The following PADI6 variants were observed in gnomAD, a reference collection of about 807,000 sequenced individuals.
PADI6 encodes inactive protein-arginine deiminase type-6.
A neutral mutation model predicts 78.2 loss-of-function variants in PADI6; 66 were observed. The observed-to-expected ratio is 0.84, with a 90% CI of 0.69 to 1.04. The LOEUF (loss-of-function observed/expected upper bound fraction) is 1.04, where lower values mean the gene tolerates loss of function less well. Ranked by LOEUF, PADI6 falls within the 50% of genes least tolerant of loss-of-function variation. The pLI, the probability that PADI6 is intolerant of heterozygous loss-of-function variation, is 0.00. For synonymous variants in PADI6, 397 were observed against 346.9 expected, an observed-to-expected ratio of 1.14 and a Z score of -1.60; for missense variants, 854 against 866.1, an observed-to-expected ratio of 0.99 and a Z score of 0.18.
intron 6 of PADI6, among the ~76,000 whole-genome samples, chr1:17,386,412 C>T (rs1212477918): frequency 6.6e-6 from 1 of 152,248 alleles, no homozygotes; most frequent in African/African-American, 2.4e-5. Context: ...GCCCTCACTG[C>T]CTGGTGGTGA....
intron 15 of PADI6, among the ~76,000 whole-genome samples, chr1:17,399,964 G>A (rs892682346): frequency 5.3e-5 from 8 of 151,850 alleles, no homozygotes; most frequent in Admixed American, 3.9e-4. Flanking sequence ...GAACCCAGGA[G>A]GCAGAGGTTG....
chr1:17,391,032 C>G (rs1381555089), intron 8 of PADI6, among the ~76,000 whole-genome samples: 1 of 152,106 alleles, frequency 6.6e-6, no homozygotes, highest in Non-Finnish European at 1.5e-5. Flanking sequence ...GAAATAGGTT[C>G]TTTGGAGCAG....
intron 13 of PADI6, among the ~76,000 whole-genome samples, chr1:17,396,467 T>C (rs1465802352): frequency 6.6e-6 from 1 of 152,192 alleles, no homozygotes; most frequent in Non-Finnish European, 1.5e-5. Flanking sequence ...CAAAGTGTTA[T>C]CTGAGGGCCA....
In PADI6 at chr1:17,375,464, C is replaced by T. The variant is rs1489075438; in HGVS notation, c.332C>T (p.Pro111Leu). The stretch of plus-strand genomic sequence containing the variant: ...TACTATGGGCCCAACGAGGATGCCC[C>T]CGTGGGCACAGCTGTGCTGTACCTC... ...VTYYGPNEDA[P>L]VGTAVLYLTG... The change falls in exon 3 of 16, where the codon CCC becomes CTC. Residue 111 changes from proline (P) to leucine (L), a missense_variant. Pro to Leu is a moderately conservative substitution (Grantham distance 98, BLOSUM62 -3). Transcript: ENST00000619609. 3 of 1,610,958 alleles carry T rather than the reference C, an allele frequency of 1.9e-6. No individual in the cohort carries two copies. Among genetic ancestry groups the T allele is most frequent in the South Asian group, 2.2e-5 (2 of 90,278 alleles).
At chr1:17,386,655 G>A (rs1460424296) in intron 6 of PADI6, among the ~76,000 whole-genome samples, 1 of 152,200 alleles carries the variant, frequency 6.6e-6, no homozygotes, top group Non-Finnish European at 1.5e-5. Context: ...TAGATGAGAA[G>A]CAGGAACTAG....
Position 17,387,463 on chromosome 1 carries a change from G to A in PADI6, c.680-918G>A, listed in dbSNP as rs886535236. 4.3e-3 allele frequency among the ~76,000 whole-genome samples: 656 copies of A among 151,550 alleles called. 7 individuals carry two copies. Among genetic ancestry groups the A allele is most frequent in the African/African-American group, 0.015 (617 of 41,290 alleles). On this transcript the variant is annotated intron_variant, in intron 6 of 15. Coordinates refer to ENST00000619609, the MANE Select transcript of PADI6 (RefSeq NM_207421.4). ...CCACCTCAAAAAAGAAAAGGAGGGG[G>A]GGGGGCCAGGCGTGGTAGCTCACAC...
At chr1:17,395,181 GAA>G (rs2075233497) in intron 12 of PADI6, 74 bp downstream of exon 12, 1 of 1,483,782 alleles carries the variant, frequency 6.7e-7, no homozygotes, top group African/African-American at 1.4e-5. Context: ...ATTCTGGAGA[GAA>G]AACTGGCTTT....
At chr1:17,380,252 C>T (rs757958347) in intron 4 of PADI6, among the ~76,000 whole-genome samples, 1 of 152,160 alleles carries the variant, frequency 6.6e-6, no homozygotes, top group African/African-American at 2.4e-5. Context: ...CTCTGTTACC[C>T]AGGCTGGAGT....
intron 3 of PADI6, among the ~76,000 whole-genome samples, chr1:17,378,601 T>C (rs1263808687): frequency 6.6e-6 from 1 of 152,072 alleles, no homozygotes; most frequent in Non-Finnish European, 1.5e-5. Flanking sequence ...TAAGTGTGTT[T>C]TTTTGTTTGT....
rs1323506775 is a variant in PADI6, at chr1:17,388,882, TGA to T, written c.962+7_962+8del. On this transcript the variant is annotated splice_donor_region_variant and intron_variant, in intron 8 of 15. Transcript: ENST00000619609. ...GCCTCTGGAGGTTTACCTGTGCAGG[TGA>T]GAGACCATCAGGCTGACTGTGCCAG... is the stretch of plus-strand genomic sequence containing the variant. 1.9e-6 allele frequency: 3 copies of T among 1,610,938 alleles called. No individual in the cohort carries two copies. The highest frequency in any genetic ancestry group is 3.3e-5 in the Admixed American group (2 of 59,846).
In PADI6 at chr1:17,401,662, T is replaced by G. The variant is rs1403491274; in HGVS notation, c.*224T>G. ...CAAAAGTGTTCAGCCAAGTGACGTT[T>G]ACTAAATAGCCAATAAAGGGCTGGT... On this transcript the variant is annotated 3_prime_UTR_variant, in exon 16 of 16. Transcript: ENST00000619609. The G allele has an allele frequency of 9.0e-6, 5 of 554,190 alleles. No individual in the cohort carries two copies. Among genetic ancestry groups the G allele is most frequent in the Non-Finnish European group, 1.6e-5 (5 of 310,750 alleles). The allele number at this position is 554,190 out of a possible 1,614,324, so 34.3% of individuals were successfully genotyped here.
At chr1:17,383,995 C>T (rs1211093757) in intron 6 of PADI6, among the ~76,000 whole-genome samples, 3 of 151,576 alleles carry the variant, frequency 2.0e-5, no homozygotes, top group East Asian at 3.9e-4. Context: ...CTAAAAAATA[C>T]AAAAGCTAGC....
At position 17,394,406 on chromosome 1, in the gene PADI6, A is replaced by T. The variant is rs1369672986; in HGVS notation, c.1289A>T (p.Lys430Ile). The change falls in exon 11 of 16, where the codon AAA becomes ATA. Residue 430 changes from lysine (K) to isoleucine (I), a missense_variant. Lys to Ile is a moderately radical substitution (Grantham distance 102). Coordinates refer to ENST00000619609, the MANE Select transcript of PADI6 (RefSeq NM_207421.4). Reference sequence around the variant, plus strand: ...TCCCCACCTGTCAAGGTCCAAGGGAAAGAGTACCCGCTGGGCAGAGTCCTC... The same window carrying T: ...TCCCCACCTGTCAAGGTCCAAGGGATAGAGTACCCGCTGGGCAGAGTCCTC... The part of the protein sequence containing the change: ...MVSPPVKVQG[K>I]EYPLGRVLIG... 6.2e-7 allele frequency: 1 copy of T among 1,613,822 alleles called. No individual in the cohort carries two copies. Among genetic ancestry groups the T allele is most frequent in the Non-Finnish European group, 8.5e-7 (1 of 1,179,856 alleles).
intron 3 of PADI6, 37 bp from the exon 4 acceptor site, chr1:17,379,883 G>A (rs770037933): frequency 6.3e-7 from 1 of 1,598,728 alleles, no homozygotes; most frequent in South Asian, 1.1e-5. Flanking sequence ...CATCTGGCAG[G>A]TCAAGGTGGC....
intron 3 of PADI6, among the ~76,000 whole-genome samples, chr1:17,376,270 G>C (rs1030816217): frequency 3.3e-5 from 5 of 150,010 alleles, no homozygotes; most frequent in African/African-American, 1.3e-4. Context: ...ACTGTGCCTG[G>C]CCATATCATC....
chr1:17,396,300 C>T (rs886632682), intron 13 of PADI6, among the ~76,000 whole-genome samples: 16 of 152,150 alleles, frequency 1.1e-4, no homozygotes, highest in Admixed American at 2.0e-4. Flanking sequence ...GCAGGGGAAT[C>T]GCTTTAACCT....
intron 3 of PADI6, among the ~76,000 whole-genome samples, 153 bp downstream of exon 3, chr1:17,375,652 C>A (rs1017637260): frequency 6.6e-6 from 1 of 152,104 alleles, no homozygotes; most frequent in African/African-American, 2.4e-5. Context: ...TAAATGGATT[C>A]ATTTGAGATA....
At chr1:17,385,857 C>G (rs1349995564) in intron 6 of PADI6, among the ~76,000 whole-genome samples, 1 of 152,168 alleles carries the variant, frequency 6.6e-6, no homozygotes, top group Non-Finnish European at 1.5e-5. Context: ...GAAGGGTACC[C>G]ACCTTCCTGT....
intron 11 of PADI6, 91 bp downstream of exon 11, chr1:17,394,545 T>TTA (rs2075226358): frequency 7.4e-7 from 1 of 1,356,048 alleles, no homozygotes; most frequent in Non-Finnish European, 1.0e-6. Context: ...CCTCAGCAGG[T>TTA]CACACACACT....
Sources: gnomAD v4.1 joint callset for allele counts (sites outside exome capture counted in the v4.1 genomes callset) on GRCh38, gnomAD v4.1.1 for gene constraint, MANE v1.5 for transcripts, NCBI Gene and HGNC (gene_info 2026-07-23, HGNC 2026-07-21) for gene names.